The following CTNNBL1 variants were observed in gnomAD, a reference collection of about 807,000 sequenced individuals.
CTNNBL1 encodes beta-catenin-like protein 1.
CTNNBL1 carries 31 observed loss-of-function variants against 72.7 expected under a neutral mutation model. The ratio of observed to expected loss-of-function variants is 0.43; its 90% confidence interval spans 0.32 to 0.58. CTNNBL1 has a LOEUF of 0.58. CTNNBL1 is among the 20% of genes least tolerant of loss of function. The pLI is 0.08. For missense variants in CTNNBL1, 534 were observed against 725.1 expected (o/e 0.74, Z 3.03); for synonymous variants, 240 against 267.3 (o/e 0.90, Z 1.00).
In CTNNBL1 at chr20:37,834,378, C is replaced by T. The variant is rs535671214; in HGVS notation, c.1214-5724C>T. ...AACTGCCTGAAACTCAAAGTCTCTT[C>T]TTTATTTAGACTGTGGTGGAAATTG... On this transcript the variant is annotated intron_variant, in intron 11 of 15. Coordinates refer to ENST00000361383, the MANE Select transcript of CTNNBL1 (RefSeq NM_030877.5). 4.6e-5 allele frequency among the ~76,000 whole-genome samples: 7 copies of T among 152,246 alleles called. No homozygotes were observed. The East Asian group carries it at 1.4e-3, about 29-fold the overall frequency.
chr20:37,744,259 G>T (rs1219285514), intron 3 of CTNNBL1, among the ~76,000 whole-genome samples: 1 of 152,112 alleles, frequency 6.6e-6, no homozygotes, highest in African/African-American at 2.4e-5. Context: ...TTGTGAAGAG[G>T]GTAAGGGGAA....
At chr20:37,782,217 A>G (rs530308606) in intron 10 of CTNNBL1, among the ~76,000 whole-genome samples, 3 of 152,332 alleles carry the variant, frequency 2.0e-5, no homozygotes, top group Admixed American at 1.3e-4. Flanking sequence ...GGATGCACAC[A>G]TTAAATAACT....
At chr20:37,698,215 C>G (rs566819732) in intron 1 of CTNNBL1, among the ~76,000 whole-genome samples, 1 of 152,346 alleles carries the variant, frequency 6.6e-6, no homozygotes, top group East Asian at 1.9e-4. Context: ...CTGAACTGAA[C>G]CAGTAACAGG....
At chr20:37,751,400 AG>A (rs1396002767) in intron 4 of CTNNBL1, 1 of 152,130 alleles carries the variant, frequency 6.6e-6, no homozygotes, top group Non-Finnish European at 1.5e-5. Context: ...CTGATGGGGC[AG>A]CTCTTTTTGG....
At chr20:37,750,669 T>C (rs41282810) in intron 4 of CTNNBL1, 27 of 152,314 alleles carry the variant, frequency 1.8e-4, no homozygotes, top group Non-Finnish European at 2.9e-4. Flanking sequence ...TGGCACCAAA[T>C]TGATAAATAT....
chr20:37,733,037 T>A lies in CTNNBL1; in HGVS notation c.189T>A (p.Ile63=). 6.2e-7 allele frequency: 1 copy of A among 1,613,532 alleles called. No homozygotes were observed. The highest frequency in any genetic ancestry group is 8.5e-7 in the Non-Finnish European group (1 of 1,179,934). Residue 63 remains isoleucine (I), a synonymous_variant, in exon 2 of 16, where the codon ATT becomes ATA. Transcript: ENST00000361383. ...DDDKKRLLQI[I]DRDGEEEEEE... is the part of the protein sequence containing the mutation. ...ACAAAAAAAGGCTGCTGCAGATTAT[T>A]GACAGAGATGGGGAAGAGGAAGAGG...
intron 4 of CTNNBL1, 141 bp from the exon 5 acceptor site, chr20:37,757,418 T>C (rs2073374690): frequency 1.8e-6 from 1 of 544,514 alleles, no homozygotes; most frequent in South Asian, 2.4e-5. Context: ...TAGAACCTTG[T>C]TGAAGAGATG....
intron 3 of CTNNBL1, among the ~76,000 whole-genome samples, chr20:37,743,046 C>T (rs1416949860): frequency 2.0e-5 from 3 of 152,124 alleles, no homozygotes; most frequent in Non-Finnish European, 2.9e-5. Context: ...TCAAGTGACC[C>T]GCCCACCTTG....
intron 10 of CTNNBL1, among the ~76,000 whole-genome samples, chr20:37,782,026 A>G (rs1266641259): frequency 1.3e-5 from 2 of 152,156 alleles, no homozygotes; most frequent in Non-Finnish European, 2.9e-5. Flanking sequence ...GAAAACCGGC[A>G]CTAATAATAC....
chr20:37,771,687 C>T (rs2073525895), intron 7 of CTNNBL1, among the ~76,000 whole-genome samples: 1 of 152,134 alleles, frequency 6.6e-6, no homozygotes, highest in East Asian at 1.9e-4. Context: ...CTCTTCCATT[C>T]GTATTTCTAA....
chr20:37,853,446 C>T (rs952951739), intron 13 of CTNNBL1, among the ~76,000 whole-genome samples: 12 of 152,136 alleles, frequency 7.9e-5, no homozygotes, highest in African/African-American at 2.7e-4. Flanking sequence ...CCTAGCCATC[C>T]GATCATGAGT....
chr20:37,777,216 C>T, intron 7 of CTNNBL1, 129 bp from the exon 8 acceptor site: 1 of 703,548 alleles, frequency 1.4e-6, no homozygotes, highest in Non-Finnish European at 2.5e-6. Flanking sequence ...CGTTTTTACC[C>T]TTAACTGCCT....
At chr20:37,870,194 C>T (rs926715840) in intron 15 of CTNNBL1, among the ~76,000 whole-genome samples, 9 of 152,082 alleles carry the variant, frequency 5.9e-5, no homozygotes, top group African/African-American at 1.7e-4. Context: ...TGCCCAGAGC[C>T]TCACCCTCCT....
At chr20:37,840,068 C>T in intron 11 of CTNNBL1, 34 bp from the exon 12 acceptor site, 1 of 1,510,182 alleles carries the variant, frequency 6.6e-7, no homozygotes, top group Middle Eastern at 1.7e-4. Flanking sequence ...CTGCTCTGAT[C>T]TCAGCATGTT....
At chr20:37,870,333 C>T (rs549542133) in intron 15 of CTNNBL1, among the ~76,000 whole-genome samples, 57 of 152,240 alleles carry the variant, frequency 3.7e-4, no homozygotes, top group Admixed American at 1.0e-3. Context: ...CCCTCCCTTC[C>T]CCGAATACAC....
intron 13 of CTNNBL1, among the ~76,000 whole-genome samples, chr20:37,855,188 G>A (rs1292063028): frequency 1.3e-5 from 2 of 149,492 alleles, no homozygotes; most frequent in Non-Finnish European, 3.0e-5. Context: ...TGTTCTCTCT[G>A]AGTTGACTTT....
At chr20:37,748,943 A>G (rs1406384126) in intron 4 of CTNNBL1, among the ~76,000 whole-genome samples, 2 of 152,224 alleles carry the variant, frequency 1.3e-5, no homozygotes, top group African/African-American at 4.8e-5. Flanking sequence ...AATGGTGTTC[A>G]CAGACTCAGT....
chr20:37,860,568 A>T (rs1457424014), intron 15 of CTNNBL1, among the ~76,000 whole-genome samples: 2 of 152,228 alleles, frequency 1.3e-5, no homozygotes, highest in Non-Finnish European at 2.9e-5. Context: ...TTACACCCAT[A>T]AACAAGAGGC....
intron 4 of CTNNBL1, among the ~76,000 whole-genome samples, chr20:37,751,885 G>A (rs1045603341): frequency 6.6e-5 from 10 of 152,168 alleles, no homozygotes; most frequent in African/African-American, 2.4e-4. Flanking sequence ...GATATTTCCA[G>A]AATTAAAATT....
Sources: allele counts gnomAD v4.1 joint callset (sites outside exome capture counted in the v4.1 genomes callset), GRCh38; gene constraint gnomAD v4.1.1; transcripts MANE v1.5; gene names NCBI Gene and HGNC (gene_info 2026-07-23, HGNC 2026-07-21).